HPS3: variants seen among roughly 807,000 people sequenced by gnomAD.
HPS3 encodes the protein BLOC-2 complex member HPS3.
Under a neutral mutation model 110.9 loss-of-function variants are expected in HPS3, and 79 were observed. That is an observed-to-expected ratio of 0.71 (90% CI 0.59 to 0.86). The LOEUF is 0.86. Ranked by LOEUF, HPS3 falls within the 40% of genes least tolerant of loss-of-function variation. The pLI, the probability that HPS3 is intolerant of heterozygous loss-of-function variation, is 0.00. For synonymous variants in HPS3, 428 were observed against 451.0 expected (o/e 0.95, Z 0.65); for missense variants, 1,197 against 1,206.2 (o/e 0.99, Z 0.11).
intron 4 of HPS3, among the ~76,000 whole-genome samples, chr3:149,143,741 A>G (rs1388402512): frequency 2.0e-5 from 3 of 152,238 alleles, no homozygotes; most frequent in Non-Finnish European, 4.4e-5. Context: ...GCCAGAGCAC[A>G]GATATATGTT....
chr3:149,161,508 C>CTTTTTT (rs1203449055), intron 11 of HPS3, among the ~76,000 whole-genome samples: 4 of 104,306 alleles, frequency 3.8e-5, no homozygotes, highest in Admixed American at 1.1e-4. Flanking sequence ...CCCCCACACC[C>CTTTTTT]TTTTTTTTTT....
chr3:149,150,537 C>T, intron 5 of HPS3, 62 bp from the exon 6 acceptor site: 2 of 1,347,734 alleles, frequency 1.5e-6, no homozygotes, highest in South Asian at 2.3e-5. Context: ...GAAACCCTCC[C>T]TGCTGTGGGT....
chr3:149,149,039 C>T (rs1291369546), intron 5 of HPS3, among the ~76,000 whole-genome samples: 4 of 150,058 alleles, frequency 2.7e-5, no homozygotes, highest in South Asian at 2.1e-4. Context: ...CTGCAAGCTC[C>T]GCCTCCCGGG....
At chr3:149,145,812 C>T (rs1196539225) in intron 5 of HPS3, among the ~76,000 whole-genome samples, 1 of 152,152 alleles carries the variant, frequency 6.6e-6, no homozygotes, top group East Asian at 1.9e-4. Context: ...GGAAGACTTT[C>T]ATAGGGAGTT....
At position 149,129,804 on chromosome 3, in the gene HPS3, C is replaced by CG. The variant is rs769037441; in HGVS notation, c.87dup (p.Arg30AlafsTer2). The CG allele has an allele frequency of 1.9e-6, 3 of 1,607,040 alleles. No individual in the cohort carries two copies. The highest frequency in any genetic ancestry group is 8.5e-7 in the Non-Finnish European group (1 of 1,179,110). On this transcript the variant is annotated frameshift_variant, in exon 1 of 17. Coordinates refer to ENST00000296051, the MANE Select transcript of HPS3 (RefSeq NM_032383.5). LOFTEE classifies it high-confidence loss of function. ...AGCTGGAGCCGGACCGGTTCTGTGG[C>CG]GGGGGGCGTGACGCGCTTTTCGTGG... is the stretch of plus-strand genomic sequence containing the variant.
At chr3:149,157,228 C>T in intron 8 of HPS3, 122 bp from the exon 9 acceptor site, 1 of 904,492 alleles carries the variant, frequency 1.1e-6, no homozygotes, top group South Asian at 1.4e-5. Context: ...ATTTTGTTTA[C>T]TTTTAGGGTT....
intron 4 of HPS3, among the ~76,000 whole-genome samples, chr3:149,144,150 G>A (rs1431566872): frequency 1.3e-5 from 2 of 151,792 alleles, no homozygotes; most frequent in South Asian, 4.2e-4. Flanking sequence ...GCTGAGGTGG[G>A]TGGATCACAA....
At chr3:149,141,516 A>G in intron 4 of HPS3, 136 bp downstream of exon 4, 2 of 657,446 alleles carry the variant, frequency 3.0e-6, no homozygotes, top group Admixed American at 3.0e-5. Context: ...GCCCTTTAAC[A>G]AAGTTTTTTT....
chr3:149,167,269 C>G (rs1300598512), intron 15 of HPS3, 29 bp downstream of exon 15: 2 of 1,547,938 alleles, frequency 1.3e-6, no homozygotes, highest in Non-Finnish European at 1.8e-6. Context: ...TGTTTTTAGG[C>G]TTGATCAGTG....
chr3:149,150,595 T>A lies in HPS3; in HGVS notation c.1164-4T>A. ...TGCTCAGCAGCCTGTGTCTTCCTCC[T>A]CAGTAACAACCTGCAGTGTTTCACT... On this transcript the variant is annotated splice_region_variant and splice_polypyrimidine_tract_variant and intron_variant, in intron 5 of 16. Transcript: ENST00000296051. The A allele has an allele frequency of 6.2e-7, 1 of 1,613,746 alleles. No homozygotes were observed. The highest frequency in any genetic ancestry group is 8.5e-7 in the Non-Finnish European group (1 of 1,179,710).
intron 11 of HPS3, among the ~76,000 whole-genome samples, chr3:149,160,951 G>A (rs1723765144): frequency 6.6e-6 from 1 of 152,216 alleles, no homozygotes; most frequent in Admixed American, 6.5e-5. Flanking sequence ...GAGAGGTTAA[G>A]TAACTCATCA....
intron 16 of HPS3, 104 bp from the exon 17 acceptor site, chr3:149,171,991 C>T (rs1725040392): frequency 9.0e-7 from 1 of 1,115,334 alleles, no homozygotes; most frequent in Admixed American, 1.8e-5. Flanking sequence ...AGGCGTGAGC[C>T]ACCACGCCTG....
chr3:149,167,437 ATAT>A (rs1403688763), intron 15 of HPS3, among the ~76,000 whole-genome samples, 197 bp downstream of exon 15: 2 of 146,428 alleles, frequency 1.4e-5, no homozygotes, highest in South Asian at 2.2e-4. Context: ...TGGAGATGGT[ATAT>A]TATCATCATT....
chr3:149,166,396 G>A (rs1437735306), intron 14 of HPS3, among the ~76,000 whole-genome samples: 2 of 152,142 alleles, frequency 1.3e-5, no homozygotes, highest in Admixed American at 1.3e-4. Flanking sequence ...AGGCTTTGTT[G>A]TCCCATCCTG....
chr3:149,138,254 A>G (rs1463052570), intron 1 of HPS3, among the ~76,000 whole-genome samples: 2 of 152,192 alleles, frequency 1.3e-5, no homozygotes, highest in Admixed American at 6.5e-5. Context: ...AGCCCAGTGA[A>G]TGTCTGCAGA....
At chr3:149,152,566 C>T (rs1723198510) in intron 6 of HPS3, among the ~76,000 whole-genome samples, 2 of 152,182 alleles carry the variant, frequency 1.3e-5, no homozygotes, top group Non-Finnish European at 2.9e-5. Context: ...GCCAGTTAAA[C>T]AAGCACACGT....
chr3:149,160,165 G>A lies in HPS3; in HGVS notation c.1992G>A (p.Arg664=), dbSNP rs2108163056. The A allele has an allele frequency of 6.2e-7, 1 of 1,613,844 alleles. No homozygotes were observed. Among genetic ancestry groups the A allele is most frequent in the Non-Finnish European group, 8.5e-7 (1 of 1,179,792 alleles). ...CTTTAACTGCCATGAGCTATCTAAGGAAGCTGGATACTTCTGGGTTTTCAT... is the reference window on the plus strand; with the variant it reads ...CTTTAACTGCCATGAGCTATCTAAGAAAGCTGGATACTTCTGGGTTTTCAT... ...INPLTAMSYL[R]KLDTSGFSSI... Residue 664 remains arginine, a synonymous_variant, in exon 11 of 17, where the codon AGG becomes AGA. Coordinates refer to ENST00000296051, the MANE Select transcript of HPS3 (RefSeq NM_032383.5).
In HPS3 at chr3:149,158,528, C is replaced by G. The variant is rs932607175; in HGVS notation, c.1692-138C>G. On this transcript the variant is annotated intron_variant, in intron 9 of 16. Transcript: ENST00000296051. ...TTTGACTAGGCATGGTGGCTTACAC[C>G]TGGAATCCCAGCACTTTGGGAGGCT... is the stretch of plus-strand genomic sequence containing the variant. The G allele has an allele frequency of 1.7e-4, 140 of 834,018 alleles. 6 individuals are homozygous for G. Among genetic ancestry groups the G allele is most frequent in the Non-Finnish European group, 1.0e-4 (51 of 489,116 alleles). The allele number at this position is 834,018 out of a possible 1,614,324, so 51.7% of individuals were successfully genotyped here. A position where few individuals can be genotyped will look rare whatever the true frequency, so the allele number is the denominator to read the frequency against.
At chr3:149,141,266 T>C in intron 3 of HPS3, 29 bp from the exon 4 acceptor site, 1 of 1,610,092 alleles carries the variant, frequency 6.2e-7, no homozygotes. Flanking sequence ...GTTATATTTT[T>C]CCCTTTCTCT....
Sources: allele counts gnomAD v4.1 joint callset (sites outside exome capture counted in the v4.1 genomes callset), GRCh38; gene constraint gnomAD v4.1.1; transcripts MANE v1.5; gene names NCBI Gene and HGNC (gene_info 2026-07-23, HGNC 2026-07-21).